Variants in DOCK9 observed in about 807,000 individuals in gnomAD.
DOCK9 encodes dedicator of cytokinesis protein 9.
DOCK9 carries 89 observed loss-of-function variants against 263.3 expected under a neutral mutation model. The ratio of observed to expected loss-of-function variants is 0.34; its 90% CI spans 0.28 to 0.40. DOCK9 has a LOEUF of 0.40. Ranked by LOEUF, DOCK9 falls within the 10% of genes least tolerant of loss-of-function variation. The probability of loss-of-function intolerance (pLI) is 1.00; values close to 1 mark genes in which losing one functional copy is unlikely to be tolerated. For synonymous variants in DOCK9, 976 were observed against 973.1 expected, an observed-to-expected ratio of 1.00 and a Z score of -0.06; for missense variants, 2,140 against 2,603.4, an observed-to-expected ratio of 0.82 and a Z score of 3.87.
chr13:99,081,251 G>T (rs1284775193), intron 1 of DOCK9, among the ~76,000 whole-genome samples: 1 of 152,120 alleles, frequency 6.6e-6, no homozygotes, highest in Non-Finnish European at 1.5e-5. Flanking sequence ...CCATTACCGG[G>T]GTCTCACGTT....
chr13:98,873,306 A>G (rs1371984036), intron 27 of DOCK9, among the ~76,000 whole-genome samples: 1 of 152,214 alleles, frequency 6.6e-6, no homozygotes, highest in Admixed American at 6.5e-5. Context: ...TCACAAATCT[A>G]TTTCTTTAGT....
chr13:98,915,588 T>C (rs1405604025), intron 7 of DOCK9, 85 bp from the exon 8 acceptor site: 4 of 1,334,690 alleles, frequency 3.0e-6, no homozygotes, highest in South Asian at 1.5e-5. Context: ...TGGTGAGTGA[T>C]ATCTCATTGG....
At chr13:98,936,624 A>G (rs1404118990) in intron 2 of DOCK9, among the ~76,000 whole-genome samples, 2 of 77,540 alleles carry the variant, frequency 2.6e-5, no homozygotes, top group Non-Finnish European at 6.4e-5. Flanking sequence ...TGTCTCAAAC[A>G]AAAAAAAAAA....
At chr13:98,831,598 A>G in intron 40 of DOCK9, 51 bp downstream of exon 40, 1 of 1,601,862 alleles carries the variant, frequency 6.2e-7, no homozygotes, top group Non-Finnish European at 8.5e-7. Flanking sequence ...GTACCCTTCA[A>G]TTCCGGGGGA....
intron 1 of DOCK9, among the ~76,000 whole-genome samples, chr13:99,071,922 G>A (rs1196173789): frequency 2.0e-5 from 3 of 152,120 alleles, no homozygotes; most frequent in Non-Finnish European, 1.5e-5. Context: ...TCATCATGGG[G>A]CATTAGTTCT....
chr13:99,038,288 CTTTTTTTTTTTTTTTTTTTTTT>C (rs71419743), intron 1 of DOCK9, among the ~76,000 whole-genome samples: 1 of 86,264 alleles, frequency 1.2e-5, no homozygotes, highest in Non-Finnish European at 2.2e-5. Context: ...TTATGCCCCC[CTTTTTTTTTTTTTTTTTTTTTT>C]TTTTTTTTTT....
intron 27 of DOCK9, among the ~76,000 whole-genome samples, chr13:98,877,678 G>A (rs1566816261): frequency 6.6e-6 from 1 of 152,218 alleles, no homozygotes; most frequent in East Asian, 1.9e-4. Flanking sequence ...TGAGCACTTT[G>A]TTCCTACCTC....
chr13:98,979,239 G>GCAGCAGCAGCA (rs1555439581), upstream of DOCK9, among the ~76,000 whole-genome samples: 41 of 117,418 alleles, frequency 3.5e-4, no homozygotes, highest in Middle Eastern at 5.0e-3. Flanking sequence ...TAGCAGCAGC[G>GCAGCAGCAGCA]GCGGCAGCAG....
At chr13:98,959,641 AGGAGAATGGGT>A (rs992476185) in intron 1 of DOCK9, 1 of 152,356 alleles carries the variant, frequency 6.6e-6, no homozygotes, top group Non-Finnish European at 1.5e-5. Context: ...AAACAATCAG[AGGAGAATGGGT>A]GGAGAACAGA....
intron 45 of DOCK9, among the ~76,000 whole-genome samples, chr13:98,817,478 G>A (rs2091956687): frequency 2.2e-5 from 1 of 45,772 alleles, no homozygotes; most frequent in African/African-American, 2.3e-4. Context: ...TTTTTGGTAG[G>A]GATAGGGTCT....
In DOCK9 at chr13:98,929,857, A is replaced by G. The variant is rs73560673; in HGVS notation, c.333+311T>C. On this transcript the variant is annotated intron_variant, in intron 3 of 52. Coordinates refer to ENST00000682017, the MANE Select transcript of DOCK9 (RefSeq NM_001366683.2). Reference sequence around the variant, plus strand: ...CCTCCCACAGATTTCCAGTGAATTCATTTACAAGTTACTGCTTATTTTAAG... The same window carrying G: ...CCTCCCACAGATTTCCAGTGAATTCGTTTACAAGTTACTGCTTATTTTAAG... Among the ~76,000 whole-genome samples, 1,164 of 152,274 alleles carry G rather than the reference A, an allele frequency of 7.6e-3. 15 individuals carry two copies. The highest frequency in any genetic ancestry group is 0.027 in the African/African-American group (1,129 of 41,564).
chr13:98,977,398 T>C (rs1875165177), intron 1 of DOCK9, among the ~76,000 whole-genome samples: 1 of 152,194 alleles, frequency 6.6e-6, no homozygotes, highest in African/African-American at 2.4e-5. Flanking sequence ...ATTTTCTCAA[T>C]AGCATAAATA....
At chr13:99,049,517 C>A (rs2040588814) in intron 1 of DOCK9, among the ~76,000 whole-genome samples, 2 of 152,142 alleles carry the variant, frequency 1.3e-5, no homozygotes, top group Admixed American at 6.5e-5. Context: ...ACTGATGTAA[C>A]AGCTGAAATT....
chr13:98,955,481 T>C lies in DOCK9; in HGVS notation c.197A>G (p.Asn66Ser). 1 of 1,599,266 alleles carries C rather than the reference T, an allele frequency of 6.3e-7. No individual in the cohort carries two copies. The highest frequency in any genetic ancestry group is 8.5e-7 in the Non-Finnish European group (1 of 1,171,966). The change falls in exon 2 of 53, where the codon AAC becomes AGC. Residue 66 changes from asparagine to serine, a missense_variant. Physicochemically the swap from Asn to Ser is conservative, Grantham distance 46 (BLOSUM62 1). Transcript: ENST00000682017. ...VIVQKKTQIL[N>S]DCLREMLLFP... The stretch of plus-strand genomic sequence containing the variant: ...GAGCAGCATCTCCCGTAAACAGTCG[T>C]TCAGGATCTGAGTCTTCTTCTGGAC...
At chr13:99,065,805 G>A (rs536978500) in intron 1 of DOCK9, among the ~76,000 whole-genome samples, 23 of 152,188 alleles carry the variant, frequency 1.5e-4, no homozygotes, top group African/African-American at 5.1e-4. Flanking sequence ...TTAGTCAGTC[G>A]GCAAGATGGG....
At chr13:98,887,125 T>TTATATATATA (rs1160298057) in intron 18 of DOCK9, among the ~76,000 whole-genome samples, 9 of 102,546 alleles carry the variant, frequency 8.8e-5, no homozygotes, top group South Asian at 3.8e-4. Flanking sequence ...ATACTATATT[T>TTATATATATA]TATATATATA....
At chr13:99,085,155 GC>G (rs1485065795) in intron 1 of DOCK9, among the ~76,000 whole-genome samples, 1 of 152,178 alleles carries the variant, frequency 6.6e-6, no homozygotes, top group African/African-American at 2.4e-5. Flanking sequence ...GCATCGATCT[GC>G]CACCAAAATG....
intron 1 of DOCK9, among the ~76,000 whole-genome samples, chr13:98,990,366 G>A (rs768266712): frequency 2.6e-5 from 4 of 152,156 alleles, no homozygotes; most frequent in Non-Finnish European, 2.9e-5. Context: ...TAACTTTCAT[G>A]AGCTTGTCTA....
chr13:98,835,218 G>A (rs1026770196), intron 39 of DOCK9, among the ~76,000 whole-genome samples: 2 of 152,220 alleles, frequency 1.3e-5, no homozygotes, highest in Non-Finnish European at 2.9e-5. Flanking sequence ...AAGAGAGTCA[G>A]TAACCACAGA....
Sources: gnomAD v4.1 joint callset for allele counts (sites outside exome capture counted in the v4.1 genomes callset) on GRCh38, gnomAD v4.1.1 for gene constraint, MANE v1.5 for transcripts, NCBI Gene and HGNC (gene_info 2026-07-23, HGNC 2026-07-21) for gene names.